KBTBD2: variants seen among roughly 807,000 people sequenced by gnomAD.
KBTBD2 encodes the protein kelch repeat and BTB domain containing 2, also known as kelch repeat and BTB domain-containing protein 2.
KBTBD2 carries 17 observed loss-of-function variants against 57.1 expected under a neutral mutation model. The observed-to-expected ratio is 0.30, with a 90% CI of 0.20 to 0.45. The LOEUF is 0.45. Among genes scored for constraint, KBTBD2 ranks in the 20% least tolerant of loss-of-function variants. The probability of loss-of-function intolerance (pLI) is 1.00; values close to 1 mark genes in which losing one functional copy is unlikely to be tolerated. For synonymous variants in KBTBD2, 267 were observed against 262.7 expected (o/e 1.02, Z -0.16); for missense variants, 515 against 750.6 (o/e 0.69, Z 3.67).
chr7:32,887,769 TG>T (rs556579782), intron 1 of KBTBD2, among the ~76,000 whole-genome samples: 4 of 152,222 alleles, frequency 2.6e-5, no homozygotes, highest in Admixed American at 6.5e-5. Flanking sequence ...CCAAACTACT[TG>T]GGTTAAAGCC....
At chr7:32,883,035 C>A (rs1784482134) in intron 1 of KBTBD2, among the ~76,000 whole-genome samples, 1 of 151,838 alleles carries the variant, frequency 6.6e-6, no homozygotes, top group African/African-American at 2.4e-5. Context: ...TTAAGTATCT[C>A]ACCCCTCTGG....
At chr7:32,884,976 GTATATATATATATACACATATA>G (rs1583789576) in intron 1 of KBTBD2, among the ~76,000 whole-genome samples, 5 of 130,076 alleles carry the variant, frequency 3.8e-5, no homozygotes, top group East Asian at 2.1e-4. Context: ...GTATGTGTGT[GTATATATATATATACACATATA>G]TGTGTATATA....
intron 1 of KBTBD2, among the ~76,000 whole-genome samples, chr7:32,891,319 T>C (rs1024626953): frequency 1.4e-5 from 2 of 147,856 alleles, no homozygotes; most frequent in Non-Finnish European, 3.0e-5. Flanking sequence ...TCCGCCGCCC[T>C]GGGGCCGCCG....
chr7:32,887,678 A>G (rs1018022862), intron 1 of KBTBD2, among the ~76,000 whole-genome samples: 5 of 152,226 alleles, frequency 3.3e-5, no homozygotes, highest in Non-Finnish European at 5.9e-5. Flanking sequence ...ATGTCAATAG[A>G]GAAGATTAAA....
intron 1 of KBTBD2, among the ~76,000 whole-genome samples, chr7:32,888,024 C>A (rs541140601): frequency 1.3e-5 from 2 of 152,200 alleles, no homozygotes; most frequent in African/African-American, 4.8e-5. Flanking sequence ...GGATTCCACA[C>A]CTTCACCAGG....
chr7:32,885,524 T>A (rs982883199), intron 1 of KBTBD2, among the ~76,000 whole-genome samples: 11 of 147,888 alleles, frequency 7.4e-5, no homozygotes, highest in African/African-American at 2.5e-4. Context: ...AAAAAAAAAA[T>A]CCATACTGAG....
chr7:32,887,337 C>T lies in KBTBD2; in HGVS notation c.-339+4199G>A, dbSNP rs1235540243. On this transcript the variant is annotated intron_variant, in intron 1 of 3. Transcript: ENST00000304056. ...ATCTGTTACACAGCATGTTGATGAT[C>T]GCAGTTAACAATAATATACTGTGTA... 2.6e-5 allele frequency among the ~76,000 whole-genome samples: 4 copies of T among 152,078 alleles called. No individual in the cohort carries two copies. In the South Asian group the frequency reaches 6.2e-4, roughly 24 times the overall value.
upstream of KBTBD2, chr7:32,892,143 T>C (rs1045777688): frequency 1.3e-5 from 2 of 151,684 alleles, no homozygotes; most frequent in South Asian, 2.1e-4. Context: ...GCCAAAACAA[T>C]TGGGGCCGCG....
intron 2 of KBTBD2, among the ~76,000 whole-genome samples, chr7:32,877,164 G>T (rs1221934592): frequency 2.3e-5 from 3 of 128,840 alleles, no homozygotes; most frequent in Non-Finnish European, 4.8e-5. Context: ...GATTACAGGC[G>T]CCCGCCACTA....
chr7:32,888,416 AAC>A (rs1414961093), intron 1 of KBTBD2, among the ~76,000 whole-genome samples: 1 of 152,198 alleles, frequency 6.6e-6, no homozygotes, highest in Non-Finnish European at 1.5e-5. Context: ...GGGTGCTAGA[AAC>A]AGTTTGCTTT....
chr7:32,883,740 T>TA (rs1439113963), intron 1 of KBTBD2, among the ~76,000 whole-genome samples: 1 of 152,246 alleles, frequency 6.6e-6, no homozygotes, highest in Non-Finnish European at 1.5e-5. Context: ...AATGAATGGC[T>TA]AAATTCCACA....
chr7:32,885,909 C>CT (rs10671216), intron 1 of KBTBD2, among the ~76,000 whole-genome samples: 41,477 of 141,530 alleles, frequency 0.29, 7,116 homozygotes, highest in Non-Finnish European at 0.38. Flanking sequence ...TGTCTACACA[C>CT]TTTTTTTTTT....
intron 2 of KBTBD2, among the ~76,000 whole-genome samples, chr7:32,875,805 GTA>G (rs1435331923): frequency 6.6e-6 from 1 of 152,036 alleles, no homozygotes; most frequent in Admixed American, 6.5e-5. Flanking sequence ...AAACCACATA[GTA>G]TATGAGTCCG....
intron 1 of KBTBD2, among the ~76,000 whole-genome samples, chr7:32,887,693 T>A (rs1393829588): frequency 6.6e-6 from 1 of 152,176 alleles, no homozygotes; most frequent in Non-Finnish European, 1.5e-5. Flanking sequence ...ATTAAAAATT[T>A]TTGTTGGAAA....
chr7:32,877,989 G>A (rs927540282), intron 2 of KBTBD2, among the ~76,000 whole-genome samples: 1 of 151,878 alleles, frequency 6.6e-6, no homozygotes, highest in Non-Finnish European at 1.5e-5. Context: ...GTGTGTGCCT[G>A]TAATCCCAGC....
At chr7:32,886,812 G>A (rs1468969613) in intron 1 of KBTBD2, among the ~76,000 whole-genome samples, 2 of 152,132 alleles carry the variant, frequency 1.3e-5, no homozygotes, top group Admixed American at 6.5e-5. Flanking sequence ...CTCATAAAGA[G>A]ATAAGTGACC....
chr7:32,883,389 G>A (rs192133668), intron 1 of KBTBD2, among the ~76,000 whole-genome samples: 6 of 152,090 alleles, frequency 3.9e-5, no homozygotes, highest in East Asian at 1.9e-4. Flanking sequence ...TCTGTCTCAC[G>A]AAAATAAAAA....
intron 3 of KBTBD2, among the ~76,000 whole-genome samples, chr7:32,872,820 A>C (rs1784214275): frequency 6.6e-6 from 1 of 152,236 alleles, no homozygotes; most frequent in East Asian, 1.9e-4. Context: ...ATGTAAATCT[A>C]ACATATAATG....
chr7:32,882,653 C>T (rs373615888), intron 1 of KBTBD2, among the ~76,000 whole-genome samples: 30 of 152,132 alleles, frequency 2.0e-4, no homozygotes, highest in African/African-American at 7.2e-4. Flanking sequence ...GTAAGTCATT[C>T]AGATATGACA....
Sources: allele counts gnomAD v4.1 joint callset (sites outside exome capture counted in the v4.1 genomes callset), GRCh38; gene constraint gnomAD v4.1.1; transcripts MANE v1.5; gene names NCBI Gene and HGNC (gene_info 2026-07-23, HGNC 2026-07-21).